CDK5RAP2: variants seen among roughly 807,000 people sequenced by gnomAD.
The protein encoded by CDK5RAP2 is CDK5 regulatory subunit-associated protein 2.
In CDK5RAP2, 147 loss-of-function variants were observed where a neutral mutation model predicts 232.9. The observed-to-expected ratio is 0.63, with a 90% CI of 0.55 to 0.72. The LOEUF (loss-of-function observed/expected upper bound fraction) is 0.72. CDK5RAP2 is among the 30% of genes least tolerant of loss of function. The pLI, the probability that CDK5RAP2 is intolerant of heterozygous loss-of-function variation, is 0.00. For synonymous variants in CDK5RAP2, 833 were observed against 833.7 expected (o/e 1.00, Z 0.01); for missense variants, 2,195 against 2,231.5 (o/e 0.98, Z 0.33).
At chr9:120,555,483 T>C (rs1036216903) in intron 3 of CDK5RAP2, among the ~76,000 whole-genome samples, 3 of 152,118 alleles carry the variant, frequency 2.0e-5, no homozygotes, top group Admixed American at 1.3e-4. Context: ...ATCTGTTAAA[T>C]GAGAGGACTG....
chr9:120,408,499 A>G (rs757544827), intron 30 of CDK5RAP2, 31 bp from the exon 31 acceptor site: 4 of 1,613,710 alleles, frequency 2.5e-6, no homozygotes, highest in Non-Finnish European at 3.4e-6. Flanking sequence ...TGAGAAGGAC[A>G]GGTTAATTCT....
intron 26 of CDK5RAP2, among the ~76,000 whole-genome samples, chr9:120,421,486 C>T (rs1157372125): frequency 2.6e-5 from 4 of 152,190 alleles, no homozygotes; most frequent in East Asian, 3.8e-4. Flanking sequence ...TCTGCCCACT[C>T]GCTCTAACGA....
intron 25 of CDK5RAP2, among the ~76,000 whole-genome samples, chr9:120,426,657 G>A (rs1405267653): frequency 6.6e-6 from 1 of 152,118 alleles, no homozygotes; most frequent in Non-Finnish European, 1.5e-5. Context: ...ATCTCTTCAG[G>A]ATCAGAAAAG....
intron 2 of CDK5RAP2, among the ~76,000 whole-genome samples, chr9:120,569,020 T>C (rs778485650): frequency 6.6e-6 from 1 of 152,120 alleles, no homozygotes; most frequent in African/African-American, 2.4e-5. Flanking sequence ...TGAACAAACA[T>C]GTATTACACA....
At chr9:120,541,290 T>G (rs1467445487) in intron 5 of CDK5RAP2, among the ~76,000 whole-genome samples, 1 of 152,230 alleles carries the variant, frequency 6.6e-6, no homozygotes, top group African/African-American at 2.4e-5. Flanking sequence ...ACCTTTCTGT[T>G]TTGCTGTCTA....
At chr9:120,491,722 C>T (rs2038919052) in intron 12 of CDK5RAP2, among the ~76,000 whole-genome samples, 1 of 151,900 alleles carries the variant, frequency 6.6e-6, no homozygotes, top group African/African-American at 2.4e-5. Context: ...GCTGGAAAAC[C>T]AGAAAGAAAC....
chr9:120,520,647 A>C (rs12236190), intron 11 of CDK5RAP2, among the ~76,000 whole-genome samples: 10 of 151,940 alleles, frequency 6.6e-5, no homozygotes, highest in Admixed American at 6.6e-5. Context: ...TGTCTCAAAA[A>C]ATATATATAT....
At chr9:120,431,085 G>A (rs985607582) in intron 25 of CDK5RAP2, among the ~76,000 whole-genome samples, 4 of 152,156 alleles carry the variant, frequency 2.6e-5, no homozygotes, top group African/African-American at 7.2e-5. Context: ...ACACAGGAAA[G>A]GGAACATCAC....
intron 18 of CDK5RAP2, among the ~76,000 whole-genome samples, chr9:120,462,461 T>C (rs531788732): frequency 3.4e-5 from 5 of 148,942 alleles, no homozygotes; most frequent in Non-Finnish European, 7.4e-5. Context: ...AAAAAGTGTG[T>C]CCCAACAAAG....
intron 7 of CDK5RAP2, among the ~76,000 whole-genome samples, chr9:120,533,797 TAAAAAAAAAAAA>T (rs147527299): frequency 1.5e-4 from 8 of 52,716 alleles, no homozygotes; most frequent in Admixed American, 5.0e-4. Flanking sequence ...AGACTCCATC[TAAAAAAAAAAAA>T]AAAAAAAAAA....
intron 5 of CDK5RAP2, 88 bp downstream of exon 5, chr9:120,545,626 C>T (rs906139610): frequency 2.0e-6 from 2 of 998,732 alleles, no homozygotes; most frequent in Non-Finnish European, 3.2e-6. Context: ...AGATGGAAAC[C>T]AACTGTCTTA....
chr9:120,394,737 A>C, intron 35 of CDK5RAP2, 99 bp from the exon 36 acceptor site: 8 of 996,942 alleles, frequency 8.0e-6, no homozygotes, highest in Non-Finnish European at 1.2e-5. Context: ...GCTCAACCTC[A>C]CTAGCAAAAA....
Position 120,409,580 on chromosome 9 carries a change from C to G in CDK5RAP2, c.4415-264G>C, listed in dbSNP as rs192388355. 7.4e-3 allele frequency among the ~76,000 whole-genome samples: 1,134 copies of G among 152,344 alleles called. 7 individuals are homozygous for G. The highest frequency in any genetic ancestry group is 0.017 in the Middle Eastern group (5 of 294). ...TGCAAACCTAGTTACTTTGCCTTCA[C>G]AGAGCAAACAGTGGGTAGGAAGTAC... is the stretch of plus-strand genomic sequence containing the variant. On this transcript the variant is annotated intron_variant, in intron 29 of 37. Coordinates refer to ENST00000349780, the MANE Select transcript of CDK5RAP2 (RefSeq NM_018249.6).
chr9:120,570,095 A>T (rs997509578), intron 2 of CDK5RAP2, among the ~76,000 whole-genome samples: 1 of 152,198 alleles, frequency 6.6e-6, no homozygotes, highest in African/African-American at 2.4e-5. Flanking sequence ...GAGAAACAAA[A>T]GGAAGGAGAG....
chr9:120,494,365 T>C (rs2039054150), intron 12 of CDK5RAP2, among the ~76,000 whole-genome samples: 1 of 152,162 alleles, frequency 6.6e-6, no homozygotes. Flanking sequence ...GGCAAATACT[T>C]GATTCCAGAC....
chr9:120,539,483 T>C lies in CDK5RAP2; in HGVS notation c.384-319A>G, dbSNP rs1443793097. On this transcript the variant is annotated intron_variant, in intron 5 of 37. Transcript: ENST00000349780. The stretch of plus-strand genomic sequence containing the variant: ...AATATACTACGAACATTCTTTTGTG[T>C]CAATAAATAAAAGTCTATATCATCA... 2.6e-5 allele frequency among the ~76,000 whole-genome samples: 4 copies of C among 152,324 alleles called. No individual in the cohort carries two copies. The East Asian group carries it at 7.7e-4, about 29-fold the overall frequency.
intron 3 of CDK5RAP2, among the ~76,000 whole-genome samples, chr9:120,553,633 T>G (rs1224413526): frequency 6.6e-6 from 1 of 152,256 alleles, no homozygotes; most frequent in Non-Finnish European, 1.5e-5. Context: ...TCTAGGGCAC[T>G]GATAATGTAC....
At chr9:120,562,498 A>C (rs189583583) in intron 3 of CDK5RAP2, among the ~76,000 whole-genome samples, 570 of 152,260 alleles carry the variant, frequency 3.7e-3, no homozygotes, top group Admixed American at 6.3e-3. Flanking sequence ...TGTTGTGCAC[A>C]GAGCTCCGTG....
chr9:120,415,276 G>A (rs1238887411), intron 27 of CDK5RAP2, 117 bp from the exon 28 acceptor site: 9 of 1,185,324 alleles, frequency 7.6e-6, no homozygotes, highest in Non-Finnish European at 6.1e-6. Flanking sequence ...AAGATGGTTA[G>A]CAACTGGCAA....
Sources: allele counts gnomAD v4.1 joint callset (sites outside exome capture counted in the v4.1 genomes callset), GRCh38; gene constraint gnomAD v4.1.1; transcripts MANE v1.5; gene names NCBI Gene and HGNC (gene_info 2026-07-23, HGNC 2026-07-21).